SF3B3: variants seen among roughly 807,000 people sequenced by gnomAD.
SF3B3 encodes the protein splicing factor 3b subunit 3, also known as SAP 130.
In SF3B3, 33 loss-of-function variants were observed where a neutral mutation model predicts 139.2. The observed-to-expected ratio is 0.24, with a 90% CI of 0.18 to 0.32. The LOEUF (loss-of-function observed/expected upper bound fraction) is 0.32. Among genes scored for constraint, SF3B3 ranks in the 10% least tolerant of loss-of-function variants. The pLI, the probability that SF3B3 is intolerant of heterozygous loss-of-function variation, is 1.00. For missense variants in SF3B3, 818 were observed against 1,509.4 expected (o/e 0.54, Z 7.59); for synonymous variants, 596 against 563.6 (o/e 1.06, Z -0.81).
intron 6 of SF3B3, among the ~76,000 whole-genome samples, chr16:70,536,605 C>T (rs902002710): frequency 1.3e-5 from 2 of 151,636 alleles, no homozygotes; most frequent in Non-Finnish European, 2.9e-5. Context: ...GTGATCTGCC[C>T]GCCTCGGCCT....
rs779478492 is a variant in SF3B3, at chr16:70,529,036, T to G, written c.234T>G (p.Ile78Met). Residue 78 changes from isoleucine to methionine, a missense_variant, in exon 3 of 26, where the codon ATT becomes ATG. Ile to Met is a conservative substitution (Grantham distance 10). This residue lies in a region of SF3B3 where 144 missense variants were observed against 259.2 expected (regional missense o/e 0.56). Transcript: ENST00000302516. ...TGACAGGTGGCACCAAAGACTACAT[T>G]GTAGTTGGCAGTGACTCTGGTCGAA... ...FRLTGGTKDY[I>M]VVGSDSGRIV... 2 of 1,614,068 alleles carry G rather than the reference T, an allele frequency of 1.2e-6. No individual in the cohort carries two copies. The highest frequency in any genetic ancestry group is 2.7e-5 in the African/African-American group (2 of 74,916).
chr16:70,533,917 G>A (rs1218321868), intron 5 of SF3B3, among the ~76,000 whole-genome samples: 2 of 152,006 alleles, frequency 1.3e-5, no homozygotes, highest in East Asian at 1.9e-4. Context: ...CATTTTTATT[G>A]AGCCTTTGCA....
chr16:70,533,335 A>G (rs1374506538), intron 5 of SF3B3, among the ~76,000 whole-genome samples: 1 of 152,126 alleles, frequency 6.6e-6, no homozygotes, highest in Non-Finnish European at 1.5e-5. Flanking sequence ...ATGAAAAAGT[A>G]AATATTAAAA....
intron 10 of SF3B3, 25 bp downstream of exon 10, chr16:70,544,558 C>T: frequency 1.5e-6 from 2 of 1,373,318 alleles, no homozygotes; most frequent in Non-Finnish European, 2.1e-6. Flanking sequence ...TCTAGATAAT[C>T]TGCAGGGTTT....
At chr16:70,532,792 G>T (rs926905980) in intron 5 of SF3B3, among the ~76,000 whole-genome samples, 172 bp downstream of exon 5, 1 of 152,154 alleles carries the variant, frequency 6.6e-6, no homozygotes, top group African/African-American at 2.4e-5. Context: ...AAAAAGTGTT[G>T]GGGATAAAGA....
At position 70,535,434 on chromosome 16, in the gene SF3B3, T is replaced by G; in HGVS notation, c.825+14T>G. 7.1e-7 allele frequency: 1 copy of G among 1,412,508 alleles called. No homozygotes were observed. The highest frequency in any genetic ancestry group is 1.0e-6 in the Non-Finnish European group (1 of 1,002,068). 87.5% of individuals were successfully genotyped at this position (1,412,508 alleles called of 1,614,324 possible). A position where few individuals can be genotyped will look rare whatever the true frequency, so the allele number is the denominator to read the frequency against. On this transcript the variant is annotated intron_variant, in intron 6 of 25. Transcript: ENST00000302516. ...CCCAGGAGGCGGGTAAGATCTTTGA[T>G]ATAAGAAGAGAGAGATTTGTGTTTA...
chr16:70,528,187 C>T (rs1222340574), intron 2 of SF3B3, among the ~76,000 whole-genome samples: 11 of 114,790 alleles, frequency 9.6e-5, no homozygotes, highest in Admixed American at 2.2e-4. Flanking sequence ...TTTTTTGAGA[C>T]GTAGTCTTGC....
Position 70,573,532 on chromosome 16 carries a change from T to A in SF3B3, c.*1719T>A, listed in dbSNP as rs1352352875. Reference sequence around the variant, plus strand: ...GCCCATCAGCTTGCTTGTTCTCTGTTAAGAGGAAGGGCTAGGACAAGGATT... The same window carrying A: ...GCCCATCAGCTTGCTTGTTCTCTGTAAAGAGGAAGGGCTAGGACAAGGATT... On this transcript the variant is annotated 3_prime_UTR_variant, in exon 26 of 26. Transcript: ENST00000302516. 6.6e-6 allele frequency: 1 copy of A among 152,176 alleles called. No individual in the cohort carries two copies. The highest frequency in any genetic ancestry group is 1.5e-5 in the Non-Finnish European group (1 of 68,020). The allele number at this position is 152,176 out of a possible 1,614,324, so 9.4% of individuals were successfully genotyped here.
At chr16:70,549,891 C>T (rs1020743801) in intron 11 of SF3B3, among the ~76,000 whole-genome samples, 3 of 152,078 alleles carry the variant, frequency 2.0e-5, no homozygotes, top group Non-Finnish European at 4.4e-5. Flanking sequence ...CACCACTGCC[C>T]TCCAGCCTGG....
In SF3B3 at chr16:70,538,478, G is replaced by A; in HGVS notation, c.963+18G>A. On this transcript the variant is annotated intron_variant, in intron 7 of 25. Coordinates refer to ENST00000302516, the MANE Select transcript of SF3B3 (RefSeq NM_012426.5). ...AAGATATGGTAAGTAGACCATGGATGGACCAGTATAGCTACTCTATGAGAT... is the reference window on the plus strand; with the variant it reads ...AAGATATGGTAAGTAGACCATGGATAGACCAGTATAGCTACTCTATGAGAT... 6.2e-7 allele frequency: 1 copy of A among 1,601,190 alleles called. No individual in the cohort carries two copies.
intron 4 of SF3B3, among the ~76,000 whole-genome samples, chr16:70,531,927 G>T (rs1040525202): frequency 6.6e-6 from 1 of 152,258 alleles, no homozygotes; most frequent in Admixed American, 6.5e-5. Context: ...TCAGCCAGGT[G>T]TGGTGGCATG....
At chr16:70,569,859 T>C in intron 23 of SF3B3, 147 bp from the exon 24 acceptor site, 6 of 845,988 alleles carry the variant, frequency 7.1e-6, no homozygotes, top group Non-Finnish European at 1.1e-5. Context: ...AATCCTGGGC[T>C]CAAGCAATCC....
At chr16:70,554,986 T>G in intron 12 of SF3B3, 65 bp from the exon 13 acceptor site, 7 of 1,487,202 alleles carry the variant, frequency 4.7e-6, no homozygotes, top group Non-Finnish European at 6.5e-6. Context: ...CTGATAGATG[T>G]GAGGGTCATT....
Position 70,575,196 on chromosome 16 carries a change from C to CTTTTTTTTTTTTTTTTTTT in SF3B3, c.*3385_*3403dup, listed in dbSNP as rs897314035. ...TTTTCTTTTTCTTTTTCTTTTTTTT[C>CTTTTTTTTTTTTTTTTTTT]TTTTTTTTTTTTTTTTTTTTGAGAT... On this transcript the variant is annotated 3_prime_UTR_variant, in exon 26 of 26. Coordinates refer to ENST00000302516, the MANE Select transcript of SF3B3 (RefSeq NM_012426.5). 4 of 110,018 alleles carry CTTTTTTTTTTTTTTTTTTT rather than the reference C, an allele frequency of 3.6e-5. No individual in the cohort carries two copies. Among genetic ancestry groups the CTTTTTTTTTTTTTTTTTTT allele is most frequent in the Non-Finnish European group, 5.5e-5 (3 of 54,744 alleles). The allele number at this position is 110,018 out of a possible 1,614,324, so 6.8% of individuals were successfully genotyped here.
At chr16:70,558,153 TC>T (rs1184199280) in intron 15 of SF3B3, among the ~76,000 whole-genome samples, 1 of 152,226 alleles carries the variant, frequency 6.6e-6, no homozygotes, top group Non-Finnish European at 1.5e-5. Flanking sequence ...AGTTCCTGTA[TC>T]CTCTGTATCA....
chr16:70,570,193 T>C, intron 24 of SF3B3, 44 bp downstream of exon 24: 1 of 1,604,766 alleles, frequency 6.2e-7, no homozygotes, highest in Non-Finnish European at 8.5e-7. Context: ...TTAAGGTTGT[T>C]TCTTGGTGCT....
intron 10 of SF3B3, among the ~76,000 whole-genome samples, chr16:70,545,630 AAG>A (rs2050260982): frequency 6.6e-6 from 1 of 152,218 alleles, no homozygotes; most frequent in Admixed American, 6.5e-5. Flanking sequence ...CTGAGCTCTC[AAG>A]AGGCCTGCTA....
chr16:70,551,438 G>A (rs535812035), intron 11 of SF3B3, among the ~76,000 whole-genome samples: 18 of 152,178 alleles, frequency 1.2e-4, no homozygotes, highest in Middle Eastern at 3.4e-3. Flanking sequence ...TGGGCTGGGC[G>A]CGGTGGCTCA....
At chr16:70,525,520 T>C (rs574721765) in intron 1 of SF3B3, among the ~76,000 whole-genome samples, 1 of 152,294 alleles carries the variant, frequency 6.6e-6, no homozygotes, top group Non-Finnish European at 1.5e-5. Flanking sequence ...CTACAAAATA[T>C]GAAAAGTAAC....
Sources: gnomAD v4.1 joint callset for allele counts (sites outside exome capture counted in the v4.1 genomes callset) on GRCh38, gnomAD v4.1.1 for gene constraint, gnomAD v4.1.1 regional missense constraint, MANE v1.5 for transcripts, NCBI Gene and HGNC (gene_info 2026-07-23, HGNC 2026-07-21) for gene names.